The following SPATA4 variants were observed in gnomAD, a reference collection of about 807,000 sequenced individuals.
SPATA4 encodes the protein spermatogenesis-associated protein 4.
Under a neutral mutation model 31.8 loss-of-function variants are expected in SPATA4, and 35 were observed. That is an observed-to-expected ratio of 1.10 (90% CI 0.84 to 1.46). The LOEUF (loss-of-function observed/expected upper bound fraction) is 1.46, where lower values mean the gene tolerates loss of function less well. SPATA4 is among the 40% of genes most tolerant of loss of function. The pLI, the probability that SPATA4 is intolerant of heterozygous loss-of-function variation, is 0.00. For synonymous variants in SPATA4, 126 were observed against 132.4 expected (o/e 0.95, Z 0.33); for missense variants, 394 against 363.1 (o/e 1.09, Z -0.69).
Position 176,184,815 on chromosome 4 carries a change from T to C in SPATA4, c.883A>G (p.Met295Val). The C allele has an allele frequency of 6.2e-7, 1 of 1,602,016 alleles. No individual in the cohort carries two copies. The highest frequency in any genetic ancestry group is 8.5e-7 in the Non-Finnish European group (1 of 1,174,484). Residue 295 changes from methionine to valine, a missense_variant, in exon 6 of 6, where the codon ATG (methionine) becomes GTG (valine). By Grantham distance (21) the Met-to-Val change is conservative. Transcript: ENST00000280191. ...QAGQHSYYSA[M>V]KPIRNMDKKP ...TTGTCCATGTTTCTGATAGGTTTCA[T>C]AGCAGAGTAATAAGAATGTTGTCCA...
At position 176,195,526 on chromosome 4, in the gene SPATA4, G is replaced by C. The variant is rs1054506456; in HGVS notation, c.37C>G (p.Gln13Glu). The C allele has an allele frequency of 6.2e-7, 1 of 1,614,240 alleles. No individual in the cohort carries two copies. The highest frequency in any genetic ancestry group is 1.3e-5 in the African/African-American group (1 of 75,070). Residue 13 changes from glutamine to glutamate, a missense_variant, in exon 1 of 6, where the codon CAG (glutamine) becomes GAG (glutamate). Gln to Glu is a conservative substitution (Grantham distance 29). Transcript: ENST00000280191. ...GACTTGTCTAGGGCTGCCGCAGTCT[G>C]TGTCAAATACCCTTTTTCCTGGCCG... is the stretch of plus-strand genomic sequence containing the variant. The part of the protein sequence containing the change: ...AAGQEKGYLT[Q>E]TAAALDKSPS...
At chr4:176,193,632 T>C in intron 1 of SPATA4, 50 bp from the exon 2 acceptor site, 1 of 1,489,802 alleles carries the variant, frequency 6.7e-7, no homozygotes, top group Middle Eastern at 2.4e-4. Context: ...AATTATGCAG[T>C]TTGTATTATT....
chr4:176,189,511 C>G (rs1167441886), intron 4 of SPATA4, among the ~76,000 whole-genome samples: 1 of 151,296 alleles, frequency 6.6e-6, no homozygotes, highest in South Asian at 2.1e-4. Context: ...TAACAACGGG[C>G]AGTATTAATA....
At chr4:176,186,503 GGA>G (rs772152636) in intron 5 of SPATA4, among the ~76,000 whole-genome samples, 2 of 152,336 alleles carry the variant, frequency 1.3e-5, no homozygotes, top group Admixed American at 6.5e-5. Flanking sequence ...GCAGGCTGAA[GGA>G]GAGGATATAT....
chr4:176,185,828 A>T (rs79851641), intron 5 of SPATA4, among the ~76,000 whole-genome samples: 1 of 152,228 alleles, frequency 6.6e-6, no homozygotes, highest in Admixed American at 6.5e-5. Context: ...CAAGTAAAAA[A>T]AATAAATGTA....
intron 5 of SPATA4, 135 bp from the exon 6 acceptor site, chr4:176,185,027 G>A: frequency 4.1e-6 from 2 of 487,156 alleles, no homozygotes; most frequent in South Asian, 3.5e-5. Flanking sequence ...CTAAATGCCT[G>A]GTAAACAAGA....
Position 176,192,627 on chromosome 4 carries a change from CT to C in SPATA4, c.687del (p.Glu230AsnfsTer5), listed in dbSNP as rs1448901770. ...TCAGCTGTTTCAAAGGAAAACTTAC[CT>C]GGATTCAATTTTCTGCCTAATTTTC... Reference protein sequence around the residue: ...LQRKLGRKLNPEWFDVKPTVG... With the variant: ...LQRKLGRKLNXEWFDVKPTVG... On this transcript the variant is annotated frameshift_variant and splice_region_variant, in exon 4 of 6. Coordinates refer to ENST00000280191, the MANE Select transcript of SPATA4 (RefSeq NM_144644.4). LOFTEE classifies it high-confidence loss of function. 1 of 1,613,506 alleles carries C rather than the reference CT, an allele frequency of 6.2e-7. No individual in the cohort carries two copies. The highest frequency in any genetic ancestry group is 1.1e-5 in the South Asian group (1 of 91,062).
At chr4:176,191,327 C>T (rs1021082318) in intron 4 of SPATA4, among the ~76,000 whole-genome samples, 2 of 152,146 alleles carry the variant, frequency 1.3e-5, no homozygotes, top group African/African-American at 2.4e-5. Context: ...AACTTTTGAC[C>T]TCGTGATCCG....
Position 176,192,251 on chromosome 4 carries a change from A to G in SPATA4, c.688+376T>C, listed in dbSNP as rs1752543047. 1.3e-5 allele frequency among the ~76,000 whole-genome samples: 2 copies of G among 152,234 alleles called. 1 individual carries two copies. The highest frequency in any genetic ancestry group is 4.1e-4 in the South Asian group (2 of 4,830). ...AAGGATAACATTGTCCACACTGTAG[A>G]AAGCATCCACAGTGAATCATAGTAA... On this transcript the variant is annotated intron_variant, in intron 4 of 5. Transcript: ENST00000280191.
chr4:176,190,155 C>T (rs1752505575), intron 4 of SPATA4, among the ~76,000 whole-genome samples: 2 of 152,114 alleles, frequency 1.3e-5, no homozygotes, highest in South Asian at 2.1e-4. Context: ...AGGCCCAGGT[C>T]GCGGCACTGG....
chr4:176,190,575 C>G (rs541679137), intron 4 of SPATA4, among the ~76,000 whole-genome samples: 45 of 152,292 alleles, frequency 3.0e-4, no homozygotes, highest in African/African-American at 1.0e-3. Flanking sequence ...CAGGCTCACT[C>G]AGCTCTTTGG....
intron 2 of SPATA4, 37 bp downstream of exon 2, chr4:176,193,416 T>C (rs1752563947): frequency 6.2e-7 from 1 of 1,603,058 alleles, no homozygotes; most frequent in Non-Finnish European, 8.5e-7. Flanking sequence ...AAAACAAACA[T>C]CTTAACAGTT....
chr4:176,194,729 T>C, intron 1 of SPATA4: 1 of 62,200 alleles, frequency 1.6e-5, no homozygotes. Context: ...AGTATTTTTT[T>C]TTTTTTTTTT....
rs751552073 is a variant in SPATA4, at chr4:176,192,626, C to T, written c.688+1G>A. The T allele has an allele frequency of 1.1e-5, 18 of 1,613,370 alleles. No homozygotes were observed. The highest frequency in any genetic ancestry group is 1.5e-5 in the Non-Finnish European group (18 of 1,179,544). On this transcript the variant is annotated splice_donor_variant, in intron 4 of 5. Coordinates refer to ENST00000280191, the MANE Select transcript of SPATA4 (RefSeq NM_144644.4). LOFTEE classifies it high-confidence loss of function. ...CTCAGCTGTTTCAAAGGAAAACTTA[C>T]CTGGATTCAATTTTCTGCCTAATTT...
chr4:176,190,114 C>T (rs554814469), intron 4 of SPATA4, among the ~76,000 whole-genome samples: 14 of 152,100 alleles, frequency 9.2e-5, no homozygotes, highest in Non-Finnish European at 1.6e-4. Flanking sequence ...ATAACACAAC[C>T]GATTAGGTCA....
At chr4:176,191,321 T>C (rs112122603) in intron 4 of SPATA4, among the ~76,000 whole-genome samples, 3,753 of 152,162 alleles carry the variant, frequency 0.025, 153 homozygotes, top group African/African-American at 0.086. Context: ...GTCTCAAACT[T>C]TTGACCTCGT....
intron 2 of SPATA4, 106 bp downstream of exon 2, chr4:176,193,347 A>G: frequency 7.3e-7 from 1 of 1,365,140 alleles, no homozygotes; most frequent in Non-Finnish European, 1.0e-6. Context: ...CTGCCAACTC[A>G]GTATCACACA....
chr4:176,188,172 G>A lies in SPATA4; in HGVS notation c.752C>T (p.Ser251Phe), dbSNP rs1181869210. 6.2e-7 allele frequency: 1 copy of A among 1,613,694 alleles called. No homozygotes were observed. Among genetic ancestry groups the A allele is most frequent in the African/African-American group, 1.3e-5 (1 of 75,036 alleles). Residue 251 changes from serine to phenylalanine, a missense_variant, in exon 5 of 6, where the codon TCT (serine) becomes TTT (phenylalanine). Transcript: ENST00000280191. ...AACTTTTAAATTATATCTGCGCCCA[G>A]AGGCTTGGGCAGGAAGGTGATTGAG... Reference protein sequence around the residue: ...VTLNHLPAQASGRRYNLKVKR... With the variant: ...VTLNHLPAQAFGRRYNLKVKR...
At chr4:176,190,306 T>C (rs935597356) in intron 4 of SPATA4, among the ~76,000 whole-genome samples, 15 of 152,198 alleles carry the variant, frequency 9.9e-5, no homozygotes, top group Non-Finnish European at 1.9e-4. Context: ...ATTTAAACTT[T>C]AAAAGGTTTC....
Sources: gnomAD v4.1 joint callset for allele counts (sites outside exome capture counted in the v4.1 genomes callset) on GRCh38, gnomAD v4.1.1 for gene constraint, MANE v1.5 for transcripts, NCBI Gene and HGNC (gene_info 2026-07-23, HGNC 2026-07-21) for gene names.